Variants in ARHGEF3 observed in about 807,000 individuals in gnomAD.
ARHGEF3 encodes the protein Rho guanine nucleotide exchange factor 3.
In ARHGEF3, 28 loss-of-function variants were observed where a neutral mutation model predicts 63.2. The observed-to-expected ratio is 0.44, with a 90% CI of 0.33 to 0.61. ARHGEF3 has a LOEUF of 0.61. Among genes scored for constraint, ARHGEF3 ranks in the 20% least tolerant of loss-of-function variants. The pLI, the probability that ARHGEF3 is intolerant of heterozygous loss-of-function variation, is 0.03. For missense variants in ARHGEF3, 533 were observed against 659.3 expected (o/e 0.81, Z 2.10); for synonymous variants, 266 against 254.2 (o/e 1.05, Z -0.44).
At chr3:56,785,758 A>G (rs930511291) in intron 1 of ARHGEF3, among the ~76,000 whole-genome samples, 2 of 152,210 alleles carry the variant, frequency 1.3e-5, no homozygotes, top group Non-Finnish European at 2.9e-5. Context: ...GATCAAACAC[A>G]TCTCAGGCAA....
At chr3:56,872,813 T>C (rs2040474002) in intron 4 of ARHGEF3, among the ~76,000 whole-genome samples, 1 of 152,218 alleles carries the variant, frequency 6.6e-6, no homozygotes, top group South Asian at 2.1e-4. Context: ...TGGCCTCATA[T>C]ACTGCTTTTT....
At chr3:56,827,284 C>A (rs187928232) in intron 4 of ARHGEF3, among the ~76,000 whole-genome samples, 1 of 152,314 alleles carries the variant, frequency 6.6e-6, no homozygotes, top group East Asian at 1.9e-4. Flanking sequence ...AAGCAAAGGA[C>A]AACCACTGTC....
At chr3:57,003,227 A>G (rs1306839550) in intron 2 of ARHGEF3, among the ~76,000 whole-genome samples, 1 of 150,638 alleles carries the variant, frequency 6.6e-6, no homozygotes, top group Non-Finnish European at 1.5e-5. Context: ...AACATGGTGA[A>G]ACCCTGTCTC....
At chr3:56,939,357 C>T (rs971808717) in intron 3 of ARHGEF3, among the ~76,000 whole-genome samples, 1 of 152,112 alleles carries the variant, frequency 6.6e-6, no homozygotes. Context: ...ACATAAGGCT[C>T]TTTTGGAGGT....
intron 4 of ARHGEF3, among the ~76,000 whole-genome samples, chr3:56,812,208 T>C (rs574812616): frequency 5.4e-4 from 83 of 152,352 alleles, no homozygotes; most frequent in African/African-American, 1.8e-3. Context: ...ACTTCTGAGA[T>C]GGGACCAAAA....
intron 2 of ARHGEF3, among the ~76,000 whole-genome samples, chr3:57,034,640 T>G (rs1214597836): frequency 1.3e-5 from 2 of 151,344 alleles, no homozygotes; most frequent in East Asian, 3.9e-4. Flanking sequence ...ATGTGAAATT[T>G]TGCTAACTCC....
Position 57,046,158 on chromosome 3 carries a change from G to C in ARHGEF3, c.-27-10982C>G, listed in dbSNP as rs549742726. Among the ~76,000 whole-genome samples the C allele has an allele frequency of 5.9e-5, 9 of 152,304 alleles. No homozygotes were observed. The South Asian group carries it at 1.7e-3, about 28-fold the overall frequency. ...GAGGCTCTAGTTAAGGGGCACAGAT[G>C]ACCAAGATATATCAAGGACCTGTTC... On this transcript the variant is annotated intron_variant, in intron 1 of 12. Transcript: ENST00000338458.
intron 2 of ARHGEF3, among the ~76,000 whole-genome samples, chr3:56,769,959 G>A (rs1196411255): frequency 6.6e-6 from 1 of 152,204 alleles, no homozygotes; most frequent in Admixed American, 6.5e-5. Flanking sequence ...TGGCTGCTGA[G>A]AGGTTTGGGG....
chr3:56,983,934 C>T (rs1172812100), intron 2 of ARHGEF3, among the ~76,000 whole-genome samples: 17 of 54,476 alleles, frequency 3.1e-4, no homozygotes, highest in Admixed American at 2.3e-3. Flanking sequence ...GACTCCGTCT[C>T]GAGAAAAAAA....
intron 3 of ARHGEF3, among the ~76,000 whole-genome samples, chr3:56,908,394 C>T (rs1049025876): frequency 2.0e-5 from 3 of 152,204 alleles, no homozygotes; most frequent in Non-Finnish European, 2.9e-5. Context: ...ATGTCCCCAT[C>T]TCCGCGTCCG....
chr3:56,794,488 C>CAAAAAAAAAAAAAAAAAAAAAAA (rs10557985), intron 1 of ARHGEF3, among the ~76,000 whole-genome samples: 4 of 116,934 alleles, frequency 3.4e-5, no homozygotes, highest in African/African-American at 1.3e-4. Context: ...GACTCTATCT[C>CAAAAAAAAAAAAAAAAAAAAAAA]AAAAAAAAAA....
At chr3:56,947,496 C>G (rs1393723550) in intron 3 of ARHGEF3, among the ~76,000 whole-genome samples, 7 of 152,056 alleles carry the variant, frequency 4.6e-5, no homozygotes, top group South Asian at 2.1e-4. Flanking sequence ...TGATAAAACA[C>G]ACTTTAAACC....
At chr3:56,940,600 C>G (rs923775415) in intron 3 of ARHGEF3, 1 of 152,120 alleles carries the variant, frequency 6.6e-6, no homozygotes, top group Non-Finnish European at 1.5e-5. Flanking sequence ...TCTATACAGC[C>G]TGGCTTCTCT....
At chr3:56,758,262 C>G (rs2035213981) in intron 2 of ARHGEF3, among the ~76,000 whole-genome samples, 1 of 148,494 alleles carries the variant, frequency 6.7e-6, no homozygotes, top group Non-Finnish European at 1.5e-5. Flanking sequence ...GCCTGGGCGA[C>G]AGAGCAAGAC....
intron 3 of ARHGEF3, among the ~76,000 whole-genome samples, chr3:56,889,825 G>A (rs1400604587): frequency 1.3e-5 from 2 of 152,230 alleles, no homozygotes; most frequent in African/African-American, 4.8e-5. Flanking sequence ...ACTTTGGGAG[G>A]CCGAGATGGG....
At chr3:57,063,480 A>G (rs538086700) in intron 1 of ARHGEF3, among the ~76,000 whole-genome samples, 53 of 152,236 alleles carry the variant, frequency 3.5e-4, no homozygotes, top group African/African-American at 1.3e-3. Flanking sequence ...GGAGGGTGGT[A>G]GGAGCGGGAG....
chr3:56,916,379 C>G (rs1438769202), intron 3 of ARHGEF3: 1 of 1,533,502 alleles, frequency 6.5e-7, no homozygotes, highest in Non-Finnish European at 8.7e-7. Context: ...CTCACCGGCT[C>G]CTAACTGCAG....
intron 3 of ARHGEF3, among the ~76,000 whole-genome samples, chr3:56,914,871 C>T (rs1230830860): frequency 2.0e-5 from 3 of 151,988 alleles, no homozygotes; most frequent in Admixed American, 6.6e-5. Flanking sequence ...TATTGTTTAA[C>T]GAGTATAGAG....
intron 3 of ARHGEF3, among the ~76,000 whole-genome samples, chr3:56,754,418 G>A (rs1199026228): frequency 6.6e-6 from 1 of 152,176 alleles, no homozygotes; most frequent in Non-Finnish European, 1.5e-5. Context: ...GTAAACTGAG[G>A]ACAAAGCAGG....
Sources: gnomAD v4.1 joint callset for allele counts (sites outside exome capture counted in the v4.1 genomes callset) on GRCh38, gnomAD v4.1.1 for gene constraint, MANE v1.5 for transcripts, NCBI Gene and HGNC (gene_info 2026-07-23, HGNC 2026-07-21) for gene names.